The following CCNJL variants were observed in gnomAD, a reference collection of about 807,000 sequenced individuals.
CCNJL encodes cyclin J like.
In CCNJL, 33 loss-of-function variants were observed where a neutral mutation model predicts 33.4. The ratio of observed to expected loss-of-function variants is 0.99; its 90% CI spans 0.75 to 1.32. The LOEUF (loss-of-function observed/expected upper bound fraction) is 1.32, where lower values mean the gene tolerates loss of function less well. CCNJL is among the 40% of genes most tolerant of loss of function. CCNJL has a pLI of 0.00. For missense variants in CCNJL, 512 were observed against 499.7 expected (o/e 1.02, Z -0.23); for synonymous variants, 227 against 220.9 (o/e 1.03, Z -0.24).
chr5:160,259,988 TC>T (rs1471642264), intron 3 of CCNJL, among the ~76,000 whole-genome samples: 1 of 152,220 alleles, frequency 6.6e-6, no homozygotes, highest in Non-Finnish European at 1.5e-5. Context: ...TGGCTAGGTG[TC>T]TCAACCTCTC....
At position 160,280,684 on chromosome 5, in the gene CCNJL, A is replaced by G; in HGVS notation, c.121T>C (p.Phe41Leu). The G allele has an allele frequency of 6.2e-7, 1 of 1,613,260 alleles. No individual in the cohort carries two copies. The highest frequency in any genetic ancestry group is 1.1e-5 in the South Asian group (1 of 91,064). ...AGCAGGGTCAGGATGTCCACGAAGA[A>G]CCGGCGGCTCTTCAGGAGTGGGGAG... ...AHSPLLKSRR[F>L]FVDILTLLSS... Residue 41 changes from phenylalanine to leucine, a missense_variant, in exon 3 of 6, where the codon TTC becomes CTC. Coordinates refer to ENST00000257536, the MANE Select transcript of CCNJL (RefSeq NM_001308173.3).
intron 1 of CCNJL, among the ~76,000 whole-genome samples, chr5:160,322,801 T>C (rs1045014932): frequency 4.7e-5 from 7 of 150,536 alleles, no homozygotes; most frequent in Non-Finnish European, 7.4e-5. Flanking sequence ...CCCAGCTACT[T>C]GGGAGGCTGA....
intron 2 of CCNJL, chr5:160,280,987 G>A (rs1289074065): frequency 3.4e-6 from 2 of 587,850 alleles, no homozygotes; most frequent in Non-Finnish European, 6.2e-6. Context: ...TCCTTCCCAT[G>A]GGAAAGGTTT....
At chr5:160,266,775 AAG>A (rs1258765027) in intron 3 of CCNJL, among the ~76,000 whole-genome samples, 4 of 152,166 alleles carry the variant, frequency 2.6e-5, no homozygotes, top group Non-Finnish European at 5.9e-5. Flanking sequence ...GGTTCTGAAA[AAG>A]GGGCTGAAAA....
chr5:160,300,650 G>A (rs551224136), intron 2 of CCNJL, among the ~76,000 whole-genome samples: 5 of 152,050 alleles, frequency 3.3e-5, no homozygotes, highest in South Asian at 2.1e-4. Context: ...GGACACCCCC[G>A]CTCTAGTCAT....
At chr5:160,311,783 A>C (rs1256951008) in intron 2 of CCNJL, 75 bp downstream of exon 2, 3 of 1,395,618 alleles carry the variant, frequency 2.1e-6, no homozygotes, top group Non-Finnish European at 3.1e-6. Flanking sequence ...CACGCAGGCG[A>C]CCTGAGAACA....
intron 3 of CCNJL, among the ~76,000 whole-genome samples, chr5:160,280,130 C>T (rs1351916319): frequency 6.6e-6 from 1 of 152,174 alleles, no homozygotes; most frequent in African/African-American, 2.4e-5. Context: ...ATCCCCCATA[C>T]CAGGAAGCAG....
Position 160,259,513 on chromosome 5 carries a change from C to A in CCNJL, c.539G>T (p.Cys180Phe). Reference sequence around the variant, plus strand: ...GAAGTAATGGGCATACTCCTTGAGGCACTCTTTGGTCTTGCGGGGGCAGGT... The same window carrying A: ...GAAGTAATGGGCATACTCCTTGAGGAACTCTTTGGTCTTGCGGGGGCAGGT... Reference protein sequence around the residue: ...PTTCPRKTKECLKEYAHYFLE... With the variant: ...PTTCPRKTKEFLKEYAHYFLE... The change falls in exon 4 of 6, where the codon TGC becomes TTC. Residue 180 changes from cysteine to phenylalanine, a missense_variant. Transcript: ENST00000257536. The A allele has an allele frequency of 6.2e-7, 1 of 1,614,052 alleles. No homozygotes were observed. The highest frequency in any genetic ancestry group is 8.5e-7 in the Non-Finnish European group (1 of 1,179,976).
At chr5:160,289,864 AG>A (rs1762526830) in intron 2 of CCNJL, among the ~76,000 whole-genome samples, 1 of 152,216 alleles carries the variant, frequency 6.6e-6, no homozygotes, top group Non-Finnish European at 1.5e-5. Flanking sequence ...TGCTGGGCTC[AG>A]ACGTGCCCGG....
intron 3 of CCNJL, among the ~76,000 whole-genome samples, chr5:160,271,469 C>T (rs535311597): frequency 2.0e-5 from 3 of 152,320 alleles, no homozygotes; most frequent in Admixed American, 6.5e-5. Context: ...TAAGAGCTTC[C>T]GGCCCAGCCA....
chr5:160,328,165 C>T lies in CCNJL; in HGVS notation n.206+11280G>A, dbSNP rs141815154. ...TGAGGAAATGAGGTGAAGAGGAAGGCCAGATTGTGAGGGACTTTCCTGTAA... is the reference window on the plus strand; with the variant it reads ...TGAGGAAATGAGGTGAAGAGGAAGGTCAGATTGTGAGGGACTTTCCTGTAA... On this transcript the variant is annotated intron_variant and non_coding_transcript_variant, in intron 1 of 7. Coordinates refer to the CCNJL transcript ENST00000377503. Among the ~76,000 whole-genome samples, 47 of 152,278 alleles carry T rather than the reference C, an allele frequency of 3.1e-4. No individual in the cohort carries two copies. In the East Asian group the frequency reaches 6.0e-3, roughly 19 times the overall value.
chr5:160,259,816 C>A, intron 3 of CCNJL, 45 bp from the exon 4 acceptor site: 1 of 1,526,644 alleles, frequency 6.6e-7, no homozygotes, highest in Non-Finnish European at 8.9e-7. Context: ...AGACATTTAC[C>A]TGAACCCAGG....
chr5:160,308,720 C>T (rs1763170999), intron 2 of CCNJL, among the ~76,000 whole-genome samples: 1 of 152,266 alleles, frequency 6.6e-6, no homozygotes, highest in Non-Finnish European at 1.5e-5. Flanking sequence ...AGTGCCACTG[C>T]ACTCTAGCCT....
chr5:160,284,171 G>A (rs528978806), intron 2 of CCNJL, among the ~76,000 whole-genome samples: 5 of 151,968 alleles, frequency 3.3e-5, no homozygotes, highest in Non-Finnish European at 5.9e-5. Flanking sequence ...GGGCAACATG[G>A]CAAAACCCCA....
intron 3 of CCNJL, among the ~76,000 whole-genome samples, chr5:160,262,258 T>C (rs1419251396): frequency 3.3e-5 from 5 of 152,200 alleles, no homozygotes; most frequent in East Asian, 1.9e-4. Flanking sequence ...CTCTTAGAAC[T>C]GGCAGATGTG....
rs555490998 is a variant in CCNJL, at chr5:160,277,299, TAA to T, written c.280+3224_280+3225del. On this transcript the variant is annotated intron_variant, in intron 3 of 5. Transcript: ENST00000257536. ...GGGGTCCAGCATGTAGAAAGAACAG[TAA>T]GGAAGGAAGCCACAGCCGCTGTGAT... is the stretch of plus-strand genomic sequence containing the variant. Among the ~76,000 whole-genome samples the T allele has an allele frequency of 4.9e-4, 74 of 152,038 alleles. 1 individual carries two copies. The highest frequency in any genetic ancestry group is 1.8e-3 in the African/African-American group (73 of 41,468).
Position 160,255,711 on chromosome 5 carries a change from G to A in CCNJL, c.584-3C>T. The A allele has an allele frequency of 6.2e-7, 1 of 1,613,392 alleles. No individual in the cohort carries two copies. The highest frequency in any genetic ancestry group is 8.5e-7 in the Non-Finnish European group (1 of 1,179,942). ...CTGGAATTTGTAGAATATGTGATCT[G>A]AAAGAAAGCCACGGAGGGAGTCAGC... On this transcript the variant is annotated splice_region_variant and splice_polypyrimidine_tract_variant and intron_variant, in intron 4 of 5. Coordinates refer to ENST00000257536, the MANE Select transcript of CCNJL (RefSeq NM_001308173.3).
At chr5:160,338,503 A>G (rs1421824158) in intron 1 of CCNJL, among the ~76,000 whole-genome samples, 1 of 151,920 alleles carries the variant, frequency 6.6e-6, no homozygotes. Flanking sequence ...CTGTTCACTG[A>G]AATAAAGCCT....
chr5:160,267,720 T>A (rs753869592), intron 3 of CCNJL, among the ~76,000 whole-genome samples: 1 of 152,114 alleles, frequency 6.6e-6, no homozygotes, highest in East Asian at 1.9e-4. Flanking sequence ...TTTGAAAAAA[T>A]TTTTAAAAAT....
Sources: gnomAD v4.1 joint callset for allele counts (sites outside exome capture counted in the v4.1 genomes callset) on GRCh38, gnomAD v4.1.1 for gene constraint, MANE v1.5 for transcripts, NCBI Gene and HGNC (gene_info 2026-07-23, HGNC 2026-07-21) for gene names.